The following CBFA2T2 variants were observed in gnomAD, a reference collection of about 807,000 sequenced individuals.
The protein encoded by CBFA2T2 is protein CBFA2T2.
A neutral mutation model predicts 62.2 loss-of-function variants in CBFA2T2; 11 were observed. The ratio of observed to expected loss-of-function variants is 0.18; its 90% CI spans 0.11 to 0.29. CBFA2T2 has a LOEUF of 0.29. Among genes scored for constraint, CBFA2T2 ranks in the 10% least tolerant of loss-of-function variants. The pLI, the probability that CBFA2T2 is intolerant of heterozygous loss-of-function variation, is 1.00. For synonymous variants in CBFA2T2, 295 were observed against 287.5 expected, an observed-to-expected ratio of 1.03 and a Z score of -0.27; for missense variants, 592 against 774.1, an observed-to-expected ratio of 0.76 and a Z score of 2.79.
intron 3 of CBFA2T2, among the ~76,000 whole-genome samples, chr20:33,616,447 C>T (rs1688785912): frequency 6.6e-6 from 1 of 152,012 alleles, no homozygotes; most frequent in Admixed American, 6.6e-5. Flanking sequence ...GTATGTTGTA[C>T]CAATGTTAGT....
chr20:33,619,079 TAA>T (rs1003067822), intron 3 of CBFA2T2, among the ~76,000 whole-genome samples: 3 of 152,170 alleles, frequency 2.0e-5, no homozygotes, highest in Non-Finnish European at 4.4e-5. Context: ...CCTTATGATT[TAA>T]AAGTCTTTAG....
chr20:33,518,931 C>T (rs1428180701), intron 1 of CBFA2T2, among the ~76,000 whole-genome samples: 1 of 151,942 alleles, frequency 6.6e-6, no homozygotes, highest in Non-Finnish European at 1.5e-5. Flanking sequence ...AAGCGATTCT[C>T]CTCCCTCAGC....
intron 1 of CBFA2T2, among the ~76,000 whole-genome samples, chr20:33,505,549 C>T (rs2011387870): frequency 6.6e-6 from 1 of 151,704 alleles, no homozygotes; most frequent in Admixed American, 6.6e-5. Flanking sequence ...TTAGGGAGGC[C>T]GAGGCGGGTG....
intron 1 of CBFA2T2, among the ~76,000 whole-genome samples, chr20:33,570,136 C>T (rs2013489295): frequency 6.6e-6 from 1 of 152,144 alleles, no homozygotes; most frequent in Non-Finnish European, 1.5e-5. Flanking sequence ...AAGAAACTAG[C>T]CAGGTGTGGT....
At chr20:33,574,205 C>A (rs150186997) in intron 1 of CBFA2T2, 1 of 1,613,180 alleles carries the variant, frequency 6.2e-7, no homozygotes, top group African/African-American at 1.3e-5. Context: ...AGGTGAATGG[C>A]TAAAGAATCT....
intron 1 of CBFA2T2, among the ~76,000 whole-genome samples, chr20:33,550,608 G>GTTAGTTATTTAT (rs1555834284): frequency 6.7e-6 from 1 of 150,084 alleles, no homozygotes; most frequent in Non-Finnish European, 1.5e-5. Flanking sequence ...TACTAATGTG[G>GTTAGTTATTTAT]TTATTTATTT....
intron 1 of CBFA2T2, 139 bp from the exon 2 acceptor site, chr20:33,606,816 TG>T: frequency 1.4e-6 from 1 of 705,582 alleles, no homozygotes; most frequent in South Asian, 2.3e-5. Context: ...TGTTGGGATG[TG>T]GACATATCTT....
intron 1 of CBFA2T2, among the ~76,000 whole-genome samples, chr20:33,584,993 G>C (rs1278258731): frequency 1.3e-5 from 2 of 152,188 alleles, no homozygotes; most frequent in South Asian, 2.1e-4. Flanking sequence ...CTGCAGCTCA[G>C]ATGGAGAAGG....
At chr20:33,639,803 A>T (rs1323628985) in intron 9 of CBFA2T2, 1 of 152,200 alleles carries the variant, frequency 6.6e-6, no homozygotes, top group Non-Finnish European at 1.5e-5. Flanking sequence ...AGGTGGGAGG[A>T]TCATGATTCA....
At chr20:33,550,875 G>A (rs889764092) in intron 1 of CBFA2T2, among the ~76,000 whole-genome samples, 5 of 151,872 alleles carry the variant, frequency 3.3e-5, no homozygotes, top group Non-Finnish European at 5.9e-5. Flanking sequence ...GTCCCCTCTC[G>A]GCTTCCCAAA....
intron 1 of CBFA2T2, among the ~76,000 whole-genome samples, chr20:33,505,978 T>C (rs767524158): frequency 1.3e-5 from 2 of 151,786 alleles, no homozygotes; most frequent in Non-Finnish European, 2.9e-5. Context: ...TAATCCTAGC[T>C]ATTAGGGAGG....
At chr20:33,621,723 G>C (rs2015995667) in intron 4 of CBFA2T2, among the ~76,000 whole-genome samples, 2 of 152,220 alleles carry the variant, frequency 1.3e-5, no homozygotes, top group African/African-American at 2.4e-5. Context: ...ATACAGATGG[G>C]TTATCTTACT....
At chr20:33,609,233 G>C (rs112183566) in intron 2 of CBFA2T2, among the ~76,000 whole-genome samples, 2,628 of 152,276 alleles carry the variant, frequency 0.017, 79 homozygotes, top group African/African-American at 0.06. Flanking sequence ...AGGCGCAGTG[G>C]CTCACACCTA....
intron 1 of CBFA2T2, among the ~76,000 whole-genome samples, chr20:33,533,580 C>T (rs2146871443): frequency 6.6e-6 from 1 of 152,134 alleles, no homozygotes; most frequent in East Asian, 1.9e-4. Flanking sequence ...TGAGTTGTTT[C>T]CAGTCTTTGG....
intron 1 of CBFA2T2, chr20:33,574,190 T>A: frequency 2.5e-6 from 4 of 1,613,040 alleles, no homozygotes; most frequent in Non-Finnish European, 3.4e-6. Flanking sequence ...CATAAGCAGA[T>A]CACCAGGTGA....
intron 1 of CBFA2T2, among the ~76,000 whole-genome samples, chr20:33,518,609 A>C (rs181840579): frequency 1.4e-3 from 206 of 151,194 alleles, no homozygotes; most frequent in African/African-American, 4.7e-3. Context: ...AAAAATACAA[A>C]AAAAAAAAAA....
intron 1 of CBFA2T2, among the ~76,000 whole-genome samples, chr20:33,539,442 A>G (rs2012350835): frequency 6.6e-6 from 1 of 152,142 alleles, no homozygotes; most frequent in Non-Finnish European, 1.5e-5. Flanking sequence ...TCATGTTTCG[A>G]GGTCAATGAA....
intron 1 of CBFA2T2, among the ~76,000 whole-genome samples, chr20:33,523,227 A>G (rs1426068868): frequency 2.0e-5 from 3 of 152,142 alleles, no homozygotes; most frequent in Non-Finnish European, 2.9e-5. Flanking sequence ...ATTCATATGA[A>G]CATTAAAATT....
chr20:33,529,746 TATATATATATATATA>T lies in CBFA2T2; in HGVS notation c.34+39446_34+39460del, dbSNP rs2011994150. ...GTATCAAGAAAGAAGAAAGCAGTTA[TATATATATATATATA>T]TATATATATATATATATATATTTCT... is the stretch of plus-strand genomic sequence containing the variant. On this transcript the variant is annotated intron_variant, in intron 1 of 10. Transcript: ENST00000342704. Among the ~76,000 whole-genome samples, 49 of 129,350 alleles carry T rather than the reference TATATATATATATATA, an allele frequency of 3.8e-4. 2 individuals carry two copies. Among genetic ancestry groups the T allele is most frequent in the Non-Finnish European group, 4.6e-4 (30 of 64,834 alleles). 84.9% of individuals were successfully genotyped at this position (129,350 alleles called of 152,430 possible). A position where few individuals can be genotyped will look rare whatever the true frequency, so the allele number is the denominator to read the frequency against.
Sources: allele counts gnomAD v4.1 joint callset (sites outside exome capture counted in the v4.1 genomes callset), GRCh38; gene constraint gnomAD v4.1.1; transcripts MANE v1.5; gene names NCBI Gene and HGNC (gene_info 2026-07-23, HGNC 2026-07-21).